NHS: variants seen among roughly 807,000 people sequenced by gnomAD.
The protein encoded by NHS is NHS actin remodeling regulator.
A neutral mutation model predicts 72.5 loss-of-function variants in NHS; 5 were observed. The observed-to-expected ratio is 0.07, with a 90% CI of 0.04 to 0.14. The LOEUF is 0.14. Ranked by LOEUF, NHS falls within the 10% of genes least tolerant of loss-of-function variation. The pLI is 1.00. For missense variants in NHS, 1,072 were observed against 1,355.7 expected, an observed-to-expected ratio of 0.79 and a Z score of 3.29; for synonymous variants, 464 against 547.7, an observed-to-expected ratio of 0.85 and a Z score of 2.13.
At chrX:17,384,355 A>G (rs2064394945) in intron 1 of NHS, among the ~76,000 whole-genome samples, 1 of 112,487 alleles carries the variant, frequency 8.9e-6, no homozygotes, top group Admixed American at 9.4e-5. Flanking sequence ...AACCCATCAC[A>G]GAAGAGCTGA....
At chrX:17,485,123 G>A (rs2064962271) in intron 1 of NHS, among the ~76,000 whole-genome samples, 1 of 111,952 alleles carries the variant, frequency 8.9e-6, no homozygotes, top group Non-Finnish European at 1.9e-5. Context: ...GCCAATTTAA[G>A]CTTGAGATAA....
rs184189237 is a variant in NHS, at chrX:17,660,627, C to T, written c.566-27115C>T. Reference sequence around the variant, plus strand: ...GGGTAGTCTCAGGGATTCTCCCTCTCCACATAGTCTTTCCCAGTGGTCTTT... The same window carrying T: ...GGGTAGTCTCAGGGATTCTCCCTCTTCACATAGTCTTTCCCAGTGGTCTTT... On this transcript the variant is annotated intron_variant, in intron 1 of 8. Transcript: ENST00000676302. Among the ~76,000 whole-genome samples the T allele has an allele frequency of 9.8e-5, 11 of 112,441 alleles. No individual in the cohort carries two copies. In the East Asian group the frequency reaches 2.8e-3, roughly 29 times the overall value.
At position 17,375,942 on chromosome X, in the gene NHS, C is replaced by A; in HGVS notation, c.185C>A (p.Pro62His). The A allele has an allele frequency of 9.2e-7, 1 of 1,085,633 alleles. No homozygotes were observed. 89.5% of individuals were successfully genotyped at this position (1,085,633 alleles called of 1,213,427 possible). ...PGPEEPARAV[P>H]APSGLPPPPP... The stretch of plus-strand genomic sequence containing the variant: ...CCAGAGGAGCCAGCCCGCGCCGTCC[C>A]TGCACCTTCAGGGCTGCCACCGCCG... Residue 62 changes from proline to histidine, a missense_variant, in exon 1 of 9, where the codon CCT (proline) becomes CAT (histidine). Transcript: ENST00000676302.
At chrX:17,410,534 TTTTC>T (rs1349633835) in intron 1 of NHS, among the ~76,000 whole-genome samples, 1 of 106,256 alleles carries the variant, frequency 9.4e-6, no homozygotes, top group African/African-American at 3.4e-5. Context: ...TTTTTTTTTT[TTTTC>T]CAGACCTTAG....
chrX:17,488,759 T>A (rs1441569046), intron 1 of NHS, among the ~76,000 whole-genome samples: 1 of 112,213 alleles, frequency 8.9e-6, no homozygotes, highest in Non-Finnish European at 1.9e-5. Context: ...CTTTCTGTGA[T>A]GTGAAAATAT....
intron 1 of NHS, among the ~76,000 whole-genome samples, chrX:17,563,127 G>T (rs541499431): frequency 8.9e-6 from 1 of 112,278 alleles, no homozygotes; most frequent in Non-Finnish European, 1.9e-5. Context: ...CATGTCTAGG[G>T]CCACAGGACA....
intron 1 of NHS, among the ~76,000 whole-genome samples, chrX:17,401,043 A>G (rs781455516): frequency 2.7e-5 from 3 of 112,399 alleles, no homozygotes; most frequent in African/African-American, 9.7e-5. Flanking sequence ...GGATGCAGAT[A>G]TAGATCAATG....
chrX:17,423,475 T>A (rs1313994851), intron 1 of NHS, among the ~76,000 whole-genome samples: 1 of 111,211 alleles, frequency 9.0e-6, no homozygotes, highest in Non-Finnish European at 1.9e-5. Context: ...CTTGGAAGGG[T>A]TAGCATGAGA....
At chrX:17,418,218 G>C (rs1405054756) in intron 1 of NHS, among the ~76,000 whole-genome samples, 1 of 111,967 alleles carries the variant, frequency 8.9e-6, no homozygotes, top group Non-Finnish European at 1.9e-5. Context: ...GGTAAACAAT[G>C]AGCTAGATGG....
chrX:17,536,855 C>G lies in NHS; in HGVS notation c.566-150887C>G, dbSNP rs762094006. On this transcript the variant is annotated intron_variant, in intron 1 of 8. Coordinates refer to ENST00000676302, the MANE Select transcript of NHS (RefSeq NM_001291867.2). ...CTTTGAGAATGTTTCTTTGCAAAGC[C>G]TCTTTTTTTCCATTCTAAGACGGTA... is the stretch of plus-strand genomic sequence containing the variant. 4.5e-5 allele frequency among the ~76,000 whole-genome samples: 5 copies of G among 111,932 alleles called. No homozygotes were observed. In the East Asian group the frequency reaches 1.4e-3, roughly 31 times the overall value.
chrX:17,485,061 C>T (rs925966901), intron 1 of NHS, among the ~76,000 whole-genome samples: 3 of 111,358 alleles, frequency 2.7e-5, no homozygotes, highest in Non-Finnish European at 5.6e-5. Flanking sequence ...TTGGCAGCTC[C>T]GTTGTCCTCA....
chrX:17,375,404 C>T lies in NHS; in HGVS notation c.-354C>T, dbSNP rs2064340198. The stretch of plus-strand genomic sequence containing the variant: ...GCACGCCCATTTATATAGGCGGCGG[C>T]GACGGCAGTGGCCGGGGTGGCGACG... On this transcript the variant is annotated 5_prime_UTR_variant, in exon 1 of 9. Transcript: ENST00000676302. 2.6e-6 allele frequency: 1 copy of T among 390,085 alleles called. No individual in the cohort carries two copies. The highest frequency in any genetic ancestry group is 4.4e-6 in the Non-Finnish European group (1 of 227,326). 32.1% of individuals were successfully genotyped at this position (390,085 alleles called of 1,213,427 possible). A position where few individuals can be genotyped will look rare whatever the true frequency, so the allele number is the denominator to read the frequency against.
At position 17,412,361 on chromosome X, in the gene NHS, G is replaced by A. The variant is rs1017200453; in HGVS notation, c.565+36039G>A. Reference sequence around the variant, plus strand: ...TGTAATCCCAGCACTTTGGGAGGTCGAGGCCGGCAGATCAGTTGAACCCAG... The same window carrying A: ...TGTAATCCCAGCACTTTGGGAGGTCAAGGCCGGCAGATCAGTTGAACCCAG... On this transcript the variant is annotated intron_variant, in intron 1 of 8. Coordinates refer to ENST00000676302, the MANE Select transcript of NHS (RefSeq NM_001291867.2). 2.7e-5 allele frequency among the ~76,000 whole-genome samples: 3 copies of A among 110,685 alleles called. No individual in the cohort carries two copies. The East Asian group carries it at 8.5e-4, about 31-fold the overall frequency.
rs1451780266 is a variant in NHS at position 17,376,024 on chromosome X, C to G, written c.267C>G (p.Ser89=). Residue 89 remains serine (S), a synonymous_variant, in exon 1 of 9, where the codon TCC becomes TCG. Transcript: ENST00000676302. ...DQTQPPHGEA[S]VAGEESTAGI... is the part of the protein sequence containing the mutation. The stretch of plus-strand genomic sequence containing the variant: ...CTCAGCCGCCGCACGGAGAGGCGTC[C>G]GTGGCTGGCGAGGAGAGCACGGCGG... 16 of 1,079,845 alleles carry G rather than the reference C, an allele frequency of 1.5e-5. No individual in the cohort carries two copies. Among genetic ancestry groups the G allele is most frequent in the African/African-American group, 1.9e-5 (1 of 51,315 alleles). The allele number at this position is 1,079,845 out of a possible 1,213,427, so 89.0% of individuals were successfully genotyped here.
intron 1 of NHS, among the ~76,000 whole-genome samples, chrX:17,438,419 C>T (rs887967226): frequency 1.2e-4 from 14 of 112,034 alleles, no homozygotes; most frequent in African/African-American, 2.9e-4. Context: ...TGAGAGGCAG[C>T]GAGTGAGTCA....
At chrX:17,488,303 T>G (rs752864375) in intron 1 of NHS, among the ~76,000 whole-genome samples, 6 of 111,892 alleles carry the variant, frequency 5.4e-5, no homozygotes, top group Admixed American at 9.5e-5. Flanking sequence ...TTCCAGATGC[T>G]TACAGCTCCC....
chrX:17,649,370 T>C (rs2065920195), intron 1 of NHS, among the ~76,000 whole-genome samples: 1 of 111,646 alleles, frequency 9.0e-6, no homozygotes, highest in African/African-American at 3.3e-5. Context: ...ATGGGAACCA[T>C]GTTTTTTCAG....
intron 1 of NHS, among the ~76,000 whole-genome samples, chrX:17,558,461 A>G (rs1248372970): frequency 1.8e-5 from 2 of 112,473 alleles, no homozygotes; most frequent in Non-Finnish European, 3.8e-5. Flanking sequence ...CTGTTTTCCA[A>G]GAGTGCCCGT....
chrX:17,527,318 T>A (rs1248507075), intron 1 of NHS, among the ~76,000 whole-genome samples: 1 of 113,416 alleles, frequency 8.8e-6, no homozygotes, highest in African/African-American at 3.2e-5. Context: ...TTTCTTTGGC[T>A]GACTTGGGCT....
Sources: gnomAD v4.1 joint callset for allele counts (sites outside exome capture counted in the v4.1 genomes callset) on GRCh38, gnomAD v4.1.1 for gene constraint, MANE v1.5 for transcripts, NCBI Gene and HGNC (gene_info 2026-07-23, HGNC 2026-07-21) for gene names.